UHRF1: variants seen among roughly 807,000 people sequenced by gnomAD.
UHRF1 encodes ubiquitin like with PHD and ring finger domains 1, also known as E3 ubiquitin-protein ligase UHRF1.
Under a neutral mutation model 96.5 loss-of-function variants are expected in UHRF1, and 9 were observed. The ratio of observed to expected loss-of-function variants is 0.09; its 90% confidence interval spans 0.06 to 0.16. The LOEUF (loss-of-function observed/expected upper bound fraction) is 0.16. UHRF1 is among the 10% of genes least tolerant of loss of function. The pLI is 1.00. For missense variants in UHRF1, 626 were observed against 1,131.1 expected (o/e 0.55, Z 6.40); for synonymous variants, 455 against 469.9 (o/e 0.97, Z 0.41).
rs188542436 is a variant in UHRF1, at chr19:4,921,371, G to A, written c.154-7851G>A. 2.3e-3 allele frequency among the ~76,000 whole-genome samples: 356 copies of A among 152,162 alleles called. 1 individual carries two copies. Among genetic ancestry groups the A allele is most frequent in the African/African-American group, 7.8e-3 (324 of 41,506 alleles). ...GGAGAATTGCTTGAACCTGGGAGGC[G>A]GAGGTTGCAGTGAGCCGAGATTACA... is the stretch of plus-strand genomic sequence containing the variant. On this transcript the variant is annotated intron_variant, in intron 2 of 16. Transcript: ENST00000650932.
chr19:4,937,495 G>A (rs991535598), intron 5 of UHRF1, among the ~76,000 whole-genome samples: 6 of 152,000 alleles, frequency 3.9e-5, no homozygotes, highest in Admixed American at 3.3e-4. Context: ...TGGAGTAGCT[G>A]GGATTACAGG....
At position 4,941,583 on chromosome 19, in the gene UHRF1, G is replaced by C. The variant is rs2033402219; in HGVS notation, c.841G>C (p.Glu281Gln). Residue 281 changes from glutamate (E) to glutamine (Q), a missense_variant, in exon 6 of 17, where the codon GAG becomes CAG. Glu to Gln is a conservative substitution (Grantham distance 29, BLOSUM62 2). Transcript: ENST00000650932. Reference protein sequence around the residue: ...IIFVDEVFKIERPGEGSPMVD... With the variant: ...IIFVDEVFKIQRPGEGSPMVD... Reference sequence around the variant, plus strand: ...CTTCGTGGACGAAGTCTTCAAGATTGAGCGGCCGGGTGAAGGGAGCCCCAT... The same window carrying C: ...CTTCGTGGACGAAGTCTTCAAGATTCAGCGGCCGGGTGAAGGGAGCCCCAT... 6.2e-7 allele frequency: 1 copy of C among 1,613,690 alleles called. No homozygotes were observed. The highest frequency in any genetic ancestry group is 8.5e-7 in the Non-Finnish European group (1 of 1,179,824).
At chr19:4,952,893 G>A (rs2033756617) in intron 13 of UHRF1, among the ~76,000 whole-genome samples, 3 of 152,152 alleles carry the variant, frequency 2.0e-5, no homozygotes, top group Non-Finnish European at 4.4e-5. Flanking sequence ...GTGTTCGTAA[G>A]TGAAGTTTCT....
chr19:4,924,271 TC>T (rs2032797616), intron 2 of UHRF1, among the ~76,000 whole-genome samples: 1 of 152,196 alleles, frequency 6.6e-6, no homozygotes, highest in Non-Finnish European at 1.5e-5. Context: ...TGCCTCAGCC[TC>T]CCGAGTAGCT....
upstream of UHRF1, among the ~76,000 whole-genome samples, chr19:4,904,786 T>A (rs552478899): frequency 1.1e-4 from 16 of 152,306 alleles, no homozygotes; most frequent in Non-Finnish European, 1.2e-4. Context: ...GTTGAATGAC[T>A]TAATGACCTC....
rs375727648 is a variant in UHRF1 at position 4,938,655 on chromosome 19, C to G, written c.786-2873C>G. On this transcript the variant is annotated intron_variant, in intron 5 of 16. Transcript: ENST00000650932. ...CGATCCTGACCTCAGGTGATCCACT[C>G]GTCTCGGCCTCTCAAAGTGCTGGGA... Among the ~76,000 whole-genome samples, 18 of 149,286 alleles carry G rather than the reference C, an allele frequency of 1.2e-4. 1 individual carries two copies. The highest frequency in any genetic ancestry group is 3.9e-4 in the African/African-American group (16 of 40,630).
chr19:4,917,976 G>C (rs923569124), intron 2 of UHRF1, among the ~76,000 whole-genome samples: 3 of 152,040 alleles, frequency 2.0e-5, no homozygotes, highest in African/African-American at 7.2e-5. Context: ...TTTATACAAT[G>C]CCCATGTTAC....
chr19:4,938,801 T>A (rs1318160092), intron 5 of UHRF1, among the ~76,000 whole-genome samples: 1 of 137,736 alleles, frequency 7.3e-6, no homozygotes, highest in African/African-American at 2.7e-5. Flanking sequence ...TGGAGTGCAA[T>A]GGCAAGCTCT....
intron 5 of UHRF1, among the ~76,000 whole-genome samples, chr19:4,934,818 G>C (rs1403536520): frequency 1.3e-5 from 2 of 152,164 alleles, no homozygotes; most frequent in Non-Finnish European, 2.9e-5. Context: ...AGTGGCTGGG[G>C]CTGTGGGAGC....
At chr19:4,927,401 A>AAAAAG (rs2032907485) in intron 2 of UHRF1, among the ~76,000 whole-genome samples, 1 of 151,016 alleles carries the variant, frequency 6.6e-6, no homozygotes, top group South Asian at 2.1e-4. Context: ...AAAAAAAAAA[A>AAAAAG]AATTTTTTTC....
chr19:4,945,810 C>A (rs1427174999), intron 9 of UHRF1, 51 bp from the exon 10 acceptor site: 4 of 1,503,056 alleles, frequency 2.7e-6, no homozygotes, highest in Non-Finnish European at 3.6e-6. Context: ...TGGAGCTTCT[C>A]TGCAGCAGTC....
At chr19:4,934,947 T>C (rs915617663) in intron 5 of UHRF1, among the ~76,000 whole-genome samples, 1 of 151,718 alleles carries the variant, frequency 6.6e-6, no homozygotes, top group East Asian at 1.9e-4. Context: ...TGGATTGTTA[T>C]ATGGAATCTG....
At chr19:4,948,138 G>A (rs2033623094) in intron 11 of UHRF1, among the ~76,000 whole-genome samples, 1 of 149,006 alleles carries the variant, frequency 6.7e-6, no homozygotes. Flanking sequence ...AAAATAGATT[G>A]CTTCAGCTAT....
chr19:4,962,057 A>G lies in UHRF1; in HGVS notation c.*1254A>G, dbSNP rs1488524848. 7.1e-6 allele frequency: 1 copy of G among 140,486 alleles called. No homozygotes were observed. The highest frequency in any genetic ancestry group is 2.5e-5 in the African/African-American group (1 of 40,476). 8.7% of individuals were successfully genotyped at this position (140,486 alleles called of 1,614,324 possible). A position where few individuals can be genotyped will look rare whatever the true frequency, so the allele number is the denominator to read the frequency against. On this transcript the variant is annotated 3_prime_UTR_variant, in exon 17 of 17. Transcript: ENST00000650932. ...CTCCTTATTCTTAGATTATTAATGT[A>G]TTAGGGAAGAATGAGACAATTTTGT...
intron 4 of UHRF1, among the ~76,000 whole-genome samples, chr19:4,931,552 C>T (rs1389401155): frequency 6.6e-6 from 1 of 152,134 alleles, no homozygotes; most frequent in Non-Finnish European, 1.5e-5. Context: ...ACTGCAACCT[C>T]CGCCTCCCAG....
Position 4,930,750 on chromosome 19 carries a change from TGGG to T in UHRF1, c.446_448del (p.Gly149del). ...TACGTCGATGCTCGGGACACGAACA[TGGG>T]GGCGTGGTTTGAGGCGCAGGTGGTC... is the stretch of plus-strand genomic sequence containing the variant. On this transcript the variant is annotated inframe_deletion, in exon 4 of 17. Coordinates refer to ENST00000650932, the MANE Select transcript of UHRF1 (RefSeq NM_001048201.3). This position sits in a 1 kb window ranked among gnomAD's most constrained non-coding sequence, Gnocchi z 4.4. 1.2e-6 allele frequency: 2 copies of T among 1,613,798 alleles called. No individual in the cohort carries two copies. The highest frequency in any genetic ancestry group is 1.7e-6 in the Non-Finnish European group (2 of 1,179,848).
At chr19:4,921,100 G>C (rs2032686257) in intron 2 of UHRF1, among the ~76,000 whole-genome samples, 1 of 150,684 alleles carries the variant, frequency 6.6e-6, no homozygotes, top group Admixed American at 6.7e-5. Flanking sequence ...CTCCAGCCTG[G>C]TGACAGAGGG....
chr19:4,927,129 C>G (rs1312839218), intron 2 of UHRF1, among the ~76,000 whole-genome samples: 2 of 151,842 alleles, frequency 1.3e-5, no homozygotes, highest in Non-Finnish European at 2.9e-5. Context: ...GCTGTAATCC[C>G]AGCTCTTTGG....
rs376290827 is a variant in UHRF1 at position 4,951,123 on chromosome 19, G to T, written c.1818+127G>T. On this transcript the variant is annotated intron_variant, in intron 13 of 16. Coordinates refer to ENST00000650932, the MANE Select transcript of UHRF1 (RefSeq NM_001048201.3). ...TCTACTAAAAATACAAAAATTAGCT[G>T]GGTATGGTGGCGGGTGCCTGTAATC... 1.0e-5 allele frequency: 13 copies of T among 1,296,738 alleles called. No individual in the cohort carries two copies. In the East Asian group the frequency reaches 3.1e-4, roughly 31 times the overall value. 80.3% of individuals were successfully genotyped at this position (1,296,738 alleles called of 1,614,324 possible).
Sources: gnomAD v4.1 joint callset for allele counts (sites outside exome capture counted in the v4.1 genomes callset) on GRCh38, gnomAD v4.1.1 for gene constraint, Gnocchi (gnomAD v3.1) non-coding constraint, MANE v1.5 for transcripts, NCBI Gene and HGNC (gene_info 2026-07-23, HGNC 2026-07-21) for gene names.